Variants in SLC25A17 observed in about 807,000 individuals in gnomAD.
SLC25A17 encodes peroxisomal membrane protein PMP34.
Under a neutral mutation model 38.5 loss-of-function variants are expected in SLC25A17, and 26 were observed. The observed-to-expected ratio is 0.68, with a 90% CI of 0.50 to 0.94. The LOEUF (loss-of-function observed/expected upper bound fraction) is 0.94, where lower values mean the gene tolerates loss of function less well. Ranked by LOEUF, SLC25A17 falls within the 40% of genes least tolerant of loss-of-function variation. The probability of loss-of-function intolerance (pLI) is 0.00; values close to 1 mark genes in which losing one functional copy is unlikely to be tolerated. For missense variants in SLC25A17, 333 were observed against 372.7 expected (o/e 0.89, Z 0.88); for synonymous variants, 139 against 136.2 (o/e 1.02, Z -0.14).
At chr22:40,790,004 C>T (rs980362797) in intron 4 of SLC25A17, among the ~76,000 whole-genome samples, 6 of 151,780 alleles carry the variant, frequency 4.0e-5, no homozygotes, top group Non-Finnish European at 8.8e-5. Flanking sequence ...GTAGACTCTC[C>T]TATGTGTCAA....
In SLC25A17 at chr22:40,804,987, GGAAA is replaced by G. The variant is rs58201023; in HGVS notation, c.55-5908_55-5905del. On this transcript the variant is annotated intron_variant, in intron 1 of 8. Transcript: ENST00000435456. ...AAGGTGAGGAAAGAAAGAGAAGGAAGGAAAGAAAGAAAGAAAGAAAGAAAAAGAA... is the reference window on the plus strand; with the variant it reads ...AAGGTGAGGAAAGAAAGAGAAGGAAGGAAAGAAAGAAAGAAAGAAAAAGAA... Among the ~76,000 whole-genome samples, 591 of 151,586 alleles carry G rather than the reference GGAAA, an allele frequency of 3.9e-3. 5 individuals are homozygous for G. The highest frequency in any genetic ancestry group is 0.013 in the African/African-American group (529 of 41,254).
intron 1 of SLC25A17, among the ~76,000 whole-genome samples, chr22:40,813,729 CA>C (rs1457045270): frequency 2.0e-5 from 3 of 152,108 alleles, no homozygotes; most frequent in East Asian, 3.8e-4. Flanking sequence ...GTTTCAAAAA[CA>C]AAAACAAAAA....
chr22:40,797,268 T>C, intron 2 of SLC25A17: 1 of 1,245,064 alleles, frequency 8.0e-7, no homozygotes, highest in Non-Finnish European at 1.1e-6. Flanking sequence ...GAATTACTAT[T>C]GAAAGCTAAT....
intron 5 of SLC25A17, among the ~76,000 whole-genome samples, chr22:40,777,722 C>T (rs1670093715): frequency 6.8e-6 from 1 of 147,278 alleles, no homozygotes; most frequent in Admixed American, 7.0e-5. Flanking sequence ...GCAGAGGTTG[C>T]AGTGAGCCAA....
At chr22:40,810,627 G>A (rs1383117763) in intron 1 of SLC25A17, among the ~76,000 whole-genome samples, 2 of 152,104 alleles carry the variant, frequency 1.3e-5, no homozygotes, top group African/African-American at 2.4e-5. Context: ...GATTACAGGC[G>A]TAAGCCACCG....
chr22:40,772,857 T>G (rs2057199443), intron 8 of SLC25A17, among the ~76,000 whole-genome samples: 1 of 152,170 alleles, frequency 6.6e-6, no homozygotes, highest in African/African-American at 2.4e-5. Flanking sequence ...CAGGCTGGTC[T>G]TGAACTCCTG....
At chr22:40,815,806 G>C (rs547318228) in intron 1 of SLC25A17, among the ~76,000 whole-genome samples, 1 of 152,182 alleles carries the variant, frequency 6.6e-6, no homozygotes, top group South Asian at 2.1e-4. Flanking sequence ...TGCCATATTT[G>C]CTTCTTAAAA....
chr22:40,777,158 A>G, intron 6 of SLC25A17, 23 bp from the exon 7 acceptor site: 3 of 1,613,998 alleles, frequency 1.9e-6, no homozygotes, highest in Non-Finnish European at 8.5e-7. Flanking sequence ...GGAAGAACAA[A>G]CCATATCAAT....
chr22:40,790,218 G>A (rs1021363583), intron 4 of SLC25A17, among the ~76,000 whole-genome samples: 1 of 151,460 alleles, frequency 6.6e-6, no homozygotes, highest in South Asian at 2.1e-4. Flanking sequence ...GTGGGTGCCT[G>A]TAATCCCAGC....
intron 1 of SLC25A17, among the ~76,000 whole-genome samples, chr22:40,810,219 G>T (rs939237453): frequency 6.6e-6 from 1 of 151,974 alleles, no homozygotes; most frequent in African/African-American, 2.4e-5. Flanking sequence ...GTATACTGGT[G>T]GTCCCTATCT....
chr22:40,785,356 C>A (rs1201143365), intron 4 of SLC25A17, among the ~76,000 whole-genome samples: 1 of 152,228 alleles, frequency 6.6e-6, no homozygotes, highest in Non-Finnish European at 1.5e-5. Flanking sequence ...TGCACTCCAG[C>A]CCGGGTGACA....
At position 40,781,293 on chromosome 22, in the gene SLC25A17, C is replaced by G. The variant is rs555575606; in HGVS notation, c.335-2168G>C. 1.5e-3 allele frequency among the ~76,000 whole-genome samples: 228 copies of G among 151,602 alleles called. 1 individual carries two copies. The highest frequency in any genetic ancestry group is 5.3e-3 in the African/African-American group (221 of 41,318). On this transcript the variant is annotated intron_variant, in intron 4 of 8. Transcript: ENST00000435456. ...CGGAGTCTCGCTCTTTCGCCCAGGCCGGAGTGCAGTGGTTCTATCTCGGCT... is the reference window on the plus strand; with the variant it reads ...CGGAGTCTCGCTCTTTCGCCCAGGCGGGAGTGCAGTGGTTCTATCTCGGCT...
At chr22:40,813,362 A>G (rs1031078743) in intron 1 of SLC25A17, among the ~76,000 whole-genome samples, 1 of 152,008 alleles carries the variant, frequency 6.6e-6, no homozygotes, top group Admixed American at 6.6e-5. Flanking sequence ...ACACGGTGAG[A>G]CCTCATCTCT....
chr22:40,786,395 G>A (rs2057338742), intron 4 of SLC25A17, among the ~76,000 whole-genome samples: 1 of 152,060 alleles, frequency 6.6e-6, no homozygotes. Flanking sequence ...GTGGTGGAGA[G>A]GAAAGTACGG....
At chr22:40,813,123 G>A (rs536103733) in intron 1 of SLC25A17, among the ~76,000 whole-genome samples, 1 of 152,080 alleles carries the variant, frequency 6.6e-6, no homozygotes, top group Non-Finnish European at 1.5e-5. Context: ...ATAAAATATA[G>A]GTTTACGTCC....
intron 1 of SLC25A17, among the ~76,000 whole-genome samples, chr22:40,810,652 T>C (rs1020270403): frequency 6.6e-6 from 1 of 152,202 alleles, no homozygotes; most frequent in Non-Finnish European, 1.5e-5. Context: ...TTAAATATTC[T>C]AATAGTAAAT....
At chr22:40,796,543 A>G (rs767878182) in intron 2 of SLC25A17, among the ~76,000 whole-genome samples, 9 of 151,922 alleles carry the variant, frequency 5.9e-5, no homozygotes, top group South Asian at 4.2e-4. Context: ...GGAGGCTGAG[A>G]CAGGAGAATC....
chr22:40,777,175 A>C, intron 6 of SLC25A17, 40 bp from the exon 7 acceptor site: 1 of 1,613,754 alleles, frequency 6.2e-7, no homozygotes, highest in Non-Finnish European at 8.5e-7. Flanking sequence ...CAATCAAGTC[A>C]ACAAGAAGGT....
chr22:40,794,073 TG>T (rs1341634012), intron 3 of SLC25A17, among the ~76,000 whole-genome samples: 2 of 152,204 alleles, frequency 1.3e-5, no homozygotes, highest in Admixed American at 1.3e-4. Context: ...CAGATGAATC[TG>T]GGTAAAGCAT....
Sources: allele counts gnomAD v4.1 joint callset (sites outside exome capture counted in the v4.1 genomes callset), GRCh38; gene constraint gnomAD v4.1.1; transcripts MANE v1.5; gene names NCBI Gene and HGNC (gene_info 2026-07-23, HGNC 2026-07-21).